Variants in ZSCAN12 observed in about 807,000 individuals in gnomAD.
The protein encoded by ZSCAN12 is zinc finger and SCAN domain-containing protein 12.
A neutral mutation model predicts 23.4 loss-of-function variants in ZSCAN12; 18 were observed. That is an observed-to-expected ratio of 0.77 (90% CI 0.53 to 1.14). The LOEUF is 1.14. Ranked by LOEUF, ZSCAN12 falls within the 50% of genes most tolerant of loss-of-function variation. ZSCAN12 has a pLI of 0.00. For missense variants in ZSCAN12, 650 were observed against 735.0 expected (o/e 0.88, Z 1.34); for synonymous variants, 186 against 253.4 (o/e 0.73, Z 2.53).
rs1330521621 is a variant in ZSCAN12 at position 28,391,500 on chromosome 6, G to A, written c.790C>T (p.His264Tyr). ...SLTENSDHTEHQRICPGEESY... is the reference protein window; with the variant it reads ...SLTENSDHTEYQRICPGEESY... ...TCTTCTCCTGGACAGATTCTCTGAT[G>A]TTCAGTATGGTCAGAGTTCTCAGTC... Residue 264 changes from histidine (H) to tyrosine (Y), a missense_variant, in exon 4 of 4, where the codon CAT (histidine) becomes TAT (tyrosine). By Grantham distance (83) the His-to-Tyr change is moderately conservative. Coordinates refer to ENST00000684592, the MANE Select transcript of ZSCAN12 (RefSeq NM_001163391.2). This position sits in a 1 kb window ranked among gnomAD's most constrained non-coding sequence, Gnocchi z 4.1. 2 of 1,551,970 alleles carry A rather than the reference G, an allele frequency of 1.3e-6. No individual in the cohort carries two copies. Among genetic ancestry groups the A allele is most frequent in the Non-Finnish European group, 8.7e-7 (1 of 1,147,066 alleles).
At chr6:28,392,723 A>G (rs1327704701) in intron 3 of ZSCAN12, among the ~76,000 whole-genome samples, 179 bp downstream of exon 3, 1 of 152,204 alleles carries the variant, frequency 6.6e-6, no homozygotes, top group African/African-American at 2.4e-5. Context: ...TGAATATACA[A>G]AAAAGTAAGG....
At chr6:28,398,672 C>T (rs988825569) in intron 1 of ZSCAN12, among the ~76,000 whole-genome samples, 199 bp from the exon 2 acceptor site, 2 of 150,606 alleles carry the variant, frequency 1.3e-5, no homozygotes, top group South Asian at 2.1e-4. Flanking sequence ...AATCCCAGCA[C>T]TTTGGGAGGC....
At position 28,398,302 on chromosome 6, in the gene ZSCAN12, C is replaced by G. The variant is rs925193904; in HGVS notation, c.104G>C (p.Arg35Pro). 6.3e-7 allele frequency: 1 copy of G among 1,586,886 alleles called. No homozygotes were observed. Among genetic ancestry groups the G allele is most frequent in the Non-Finnish European group, 8.6e-7 (1 of 1,166,244 alleles). The change falls in exon 2 of 4, where the codon CGT becomes CCT. Residue 35 changes from arginine to proline, a missense_variant. Arg to Pro is a moderately radical substitution (Grantham distance 103, BLOSUM62 -2). Transcript: ENST00000684592. ...CTCTCTGCTATGGGTGTTGTTTTTA[C>G]GCAGGTCCCAATCCTGTCTGGTGGT... ...KYTTRQDWDLRKNNTHSREVF... is the reference protein window; with the variant it reads ...KYTTRQDWDLPKNNTHSREVF...
At chr6:28,393,128 C>A in intron 2 of ZSCAN12, 82 bp from the exon 3 acceptor site, 1 of 1,404,616 alleles carries the variant, frequency 7.1e-7, no homozygotes, top group Non-Finnish European at 9.6e-7. Flanking sequence ...GTGGCTGAAC[C>A]CTGAAATGAC....
In ZSCAN12 at chr6:28,391,824, T is replaced by TA; in HGVS notation, c.548-83dup. 1 of 1,201,640 alleles carries TA rather than the reference T, an allele frequency of 8.3e-7. No individual in the cohort carries two copies. Among genetic ancestry groups the TA allele is most frequent in the Non-Finnish European group, 1.1e-6 (1 of 892,096 alleles). The allele number at this position is 1,201,640 out of a possible 1,614,324, so 74.4% of individuals were successfully genotyped here. A position where few individuals can be genotyped will look rare whatever the true frequency, so the allele number is the denominator to read the frequency against. ...TTAATATTAAGCAGCTGTTTAGAAA[T>TA]AAAAAATGCAAGAGTCTACCATCTT... On this transcript the variant is annotated intron_variant, in intron 3 of 3. Coordinates refer to ENST00000684592, the MANE Select transcript of ZSCAN12 (RefSeq NM_001163391.2). This position sits in a 1 kb window ranked among gnomAD's most constrained non-coding sequence, Gnocchi z 4.1.
chr6:28,391,003 A>C lies in ZSCAN12; in HGVS notation c.1287T>G (p.Leu429=). 1 of 1,556,460 alleles carries C rather than the reference A, an allele frequency of 6.4e-7. No homozygotes were observed. Among genetic ancestry groups the C allele is most frequent in the Non-Finnish European group, 8.7e-7 (1 of 1,149,476 alleles). The part of the protein sequence containing the change: ...CGKAFVYNSS[L]VSHQEIHHKE... ...TGTGGTGGATTTCCTGATGGGAAAC[A>C]AGGGATGAGTTATAAACAAAGGCTT... Residue 429 remains leucine, a synonymous_variant, in exon 4 of 4, where the codon CTT becomes CTG. Transcript: ENST00000684592. This position sits in a 1 kb window ranked among gnomAD's most constrained non-coding sequence, Gnocchi z 4.1.
chr6:28,391,196 TTGCCACAGTCATTACAG>T lies in ZSCAN12; in HGVS notation c.1077_1093del (p.His359GlnfsTer4), dbSNP rs1299291458. 6.4e-7 allele frequency: 1 copy of T among 1,551,848 alleles called. No individual in the cohort carries two copies. The highest frequency in any genetic ancestry group is 8.7e-7 in the Non-Finnish European group (1 of 1,147,060). ...GAGGCCTGCTTTCTGACTAAAGGCT[TTGCCACAGTCATTACAG>T]TGATAGTGTTTTTCTCCTGTGTGAA... is the stretch of plus-strand genomic sequence containing the variant. On this transcript the variant is annotated frameshift_variant, in exon 4 of 4. Transcript: ENST00000684592. LOFTEE classifies it low-confidence loss of function (END_TRUNC). This position sits in a 1 kb window ranked among gnomAD's most constrained non-coding sequence, Gnocchi z 4.1.
Position 28,390,888 on chromosome 6 carries a change from G to T in ZSCAN12, c.1402C>A (p.Pro468Thr). The T allele has an allele frequency of 1.3e-6, 2 of 1,572,152 alleles. No individual in the cohort carries two copies. The highest frequency in any genetic ancestry group is 8.6e-7 in the Non-Finnish European group (1 of 1,158,196). ...QHQRIHTGEK[P>T]YKCDVCEKAF... ...TTTTCACATACGTCACATTTGTAGG[G>T]TTTTTCCCCAGTGTGAATTCTCTGA... The change falls in exon 4 of 4, where the codon CCC (proline) becomes ACC (threonine). Residue 468 changes from proline (P) to threonine (T), a missense_variant. Coordinates refer to ENST00000684592, the MANE Select transcript of ZSCAN12 (RefSeq NM_001163391.2).
chr6:28,391,250 T>A lies in ZSCAN12; in HGVS notation c.1040A>T (p.Gln347Leu), dbSNP rs1760811784. 6.4e-7 allele frequency: 1 copy of A among 1,551,924 alleles called. No homozygotes were observed. The highest frequency in any genetic ancestry group is 8.7e-7 in the Non-Finnish European group (1 of 1,147,060). The change falls in exon 4 of 4, where the codon CAA (glutamine) becomes CTA (leucine). Residue 347 changes from glutamine (Q) to leucine (L), a missense_variant. Physicochemically the swap from Gln to Leu is moderately radical, Grantham distance 113. Transcript: ENST00000684592. This position sits in a 1 kb window ranked among gnomAD's most constrained non-coding sequence, Gnocchi z 4.1. ...TTCTCCTGTGTGAAGTCTCTGATGT[T>A]GGTTAAGAGCTGACCACCGGCCAAA... The part of the protein sequence containing the change: ...KAFGRWSALN[Q>L]HQRLHTGEKH...
chr6:28,383,114 C>A (rs1251382788), downstream of ZSCAN12, among the ~76,000 whole-genome samples: 1 of 145,170 alleles, frequency 6.9e-6, no homozygotes, highest in Non-Finnish European at 1.5e-5. Context: ...CAAAGTCACA[C>A]AACAGCTAGG....
Position 28,390,856 on chromosome 6 carries a change from A to G in ZSCAN12, c.1434T>C (p.Phe478=), listed in dbSNP as rs1284706535. 2 of 1,584,072 alleles carry G rather than the reference A, an allele frequency of 1.3e-6. No homozygotes were observed. Among genetic ancestry groups the G allele is most frequent in the Non-Finnish European group, 1.7e-6 (2 of 1,164,576 alleles). The change falls in exon 4 of 4, where the codon TTT becomes TTC. Residue 478 remains phenylalanine, a synonymous_variant. Coordinates refer to ENST00000684592, the MANE Select transcript of ZSCAN12 (RefSeq NM_001163391.2). ...PYKCDVCEKA[F]IQRTSLTEHQ... ...GTTCTGTAAGACTTGTCCTTTGAAT[A>G]AAGGCTTTTTCACATACGTCACATT...
In ZSCAN12 at chr6:28,391,095, A is replaced by G. The variant is rs1489300082; in HGVS notation, c.1195T>C (p.Ser399Pro). 6.4e-7 allele frequency: 1 copy of G among 1,552,204 alleles called. No individual in the cohort carries two copies. Among genetic ancestry groups the G allele is most frequent in the Non-Finnish European group, 8.7e-7 (1 of 1,147,132 alleles). ...ACTCCTTGATGCTGAGTAAGTATGG[A>G]ACGCCGACTAAAACTTTTATTACAC... ...TQCNKSFSRR[S>P]ILTQHQGVHT... The change falls in exon 4 of 4, where the codon TCC becomes CCC. Residue 399 changes from serine to proline, a missense_variant. Transcript: ENST00000684592. This position sits in a 1 kb window ranked among gnomAD's most constrained non-coding sequence, Gnocchi z 4.1.
chr6:28,395,001 C>T (rs923984689), intron 2 of ZSCAN12, among the ~76,000 whole-genome samples: 1 of 152,002 alleles, frequency 6.6e-6, no homozygotes, highest in African/African-American at 2.4e-5. Context: ...GTGGCAAGAT[C>T]TTGGTTCACT....
At chr6:28,382,373 C>T (rs559376370), downstream of ZSCAN12, 5 of 1,414,828 alleles carry the variant, frequency 3.5e-6, no homozygotes, top group South Asian at 6.4e-5. Flanking sequence ...TCTGTAAAGT[C>T]CAGGTAGCTA....
intron 2 of ZSCAN12, among the ~76,000 whole-genome samples, chr6:28,396,652 T>TG (rs879653245): frequency 2.0e-5 from 3 of 152,192 alleles, no homozygotes; most frequent in Non-Finnish European, 4.4e-5. Context: ...TTGCCCAGGC[T>TG]GGGGTACAGT....
Position 28,386,381 on chromosome 6 carries a change from G to GAT in ZSCAN12, c.*4072_*4073insAT, listed in dbSNP as rs1760541633. On this transcript the variant is annotated 3_prime_UTR_variant, in exon 4 of 4. Transcript: ENST00000684592. ...AATTGATGACCGTTATTTCTACCTT[G>GAT]GACCTGCTTCGCTTTTATATTCTTC... is the stretch of plus-strand genomic sequence containing the variant. Among the ~76,000 whole-genome samples the GAT allele has an allele frequency of 6.6e-6, 1 of 152,122 alleles. No homozygotes were observed. Among genetic ancestry groups the GAT allele is most frequent in the African/African-American group, 2.4e-5 (1 of 41,406 alleles).
chr6:28,398,464 C>G lies in ZSCAN12; in HGVS notation c.-59G>C, dbSNP rs1050989564. Reference sequence around the variant, plus strand: ...AAGATCTCACCTGGAAACTGTATTCCTGGACAGTCCTGAAGAATAAGCCAT... The same window carrying G: ...AAGATCTCACCTGGAAACTGTATTCGTGGACAGTCCTGAAGAATAAGCCAT... On this transcript the variant is annotated 5_prime_UTR_variant, in exon 2 of 4. Coordinates refer to ENST00000684592, the MANE Select transcript of ZSCAN12 (RefSeq NM_001163391.2). 3.2e-5 allele frequency: 47 copies of G among 1,451,136 alleles called. No homozygotes were observed. In the African/African-American group the frequency reaches 5.9e-4, roughly 18 times the overall value. The allele number at this position is 1,451,136 out of a possible 1,614,324, so 89.9% of individuals were successfully genotyped here. A position where few individuals can be genotyped will look rare whatever the true frequency, so the allele number is the denominator to read the frequency against.
chr6:28,394,947 T>G (rs1228932727), intron 2 of ZSCAN12, among the ~76,000 whole-genome samples: 2 of 151,924 alleles, frequency 1.3e-5, no homozygotes, highest in Non-Finnish European at 1.5e-5. Flanking sequence ...TTTTTTTTGT[T>G]TTTTTGAGGC....
At chr6:28,399,499 C>T (rs1001663984) in intron 1 of ZSCAN12, among the ~76,000 whole-genome samples, 158 bp downstream of exon 1, 1 of 152,244 alleles carries the variant, frequency 6.6e-6, no homozygotes, top group Non-Finnish European at 1.5e-5. Flanking sequence ...CCTAATGTCC[C>T]AACGCACTTT....
Sources: allele counts gnomAD v4.1 joint callset (sites outside exome capture counted in the v4.1 genomes callset), GRCh38; gene constraint gnomAD v4.1.1; non-coding constraint Gnocchi (gnomAD v3.1); transcripts MANE v1.5; gene names NCBI Gene and HGNC (gene_info 2026-07-23, HGNC 2026-07-21).